MYO16: variants seen among roughly 807,000 people sequenced by gnomAD.
The protein encoded by MYO16 is myosin XVI.
Under a neutral mutation model 205.3 loss-of-function variants are expected in MYO16, and 94 were observed. That is an observed-to-expected ratio of 0.46 (90% CI 0.39 to 0.54). MYO16 has a LOEUF of 0.54. MYO16 is among the 20% of genes least tolerant of loss of function. MYO16 has a pLI of 0.00. For missense variants in MYO16, 2,315 were observed against 2,387.5 expected, an observed-to-expected ratio of 0.97 and a Z score of 0.63; for synonymous variants, 988 against 954.0, an observed-to-expected ratio of 1.04 and a Z score of -0.66.
At chr13:109,154,754 G>A (rs1207040748) in intron 32 of MYO16, among the ~76,000 whole-genome samples, 1 of 151,902 alleles carries the variant, frequency 6.6e-6, no homozygotes, top group African/African-American at 2.4e-5. Context: ...ACACATCGTG[G>A]CTCAGGACTC....
intron 2 of MYO16, among the ~76,000 whole-genome samples, chr13:108,693,978 G>C (rs1302075386): frequency 6.6e-6 from 1 of 152,128 alleles, no homozygotes; most frequent in Non-Finnish European, 1.5e-5. Flanking sequence ...TTCTGTTCCT[G>C]TGTTAGTTTG....
At chr13:109,020,787 C>T (rs1218455494) in intron 23 of MYO16, among the ~76,000 whole-genome samples, 1 of 152,172 alleles carries the variant, frequency 6.6e-6, no homozygotes, top group Non-Finnish European at 1.5e-5. Flanking sequence ...TAAAATCTCT[C>T]ACCGCTGTCT....
intron 3 of MYO16, among the ~76,000 whole-genome samples, chr13:108,717,413 G>A (rs1172863508): frequency 3.9e-5 from 6 of 152,084 alleles, no homozygotes; most frequent in Non-Finnish European, 5.9e-5. Context: ...GGGCAGACAC[G>A]AGGTCAGGAG....
chr13:108,807,843 A>T (rs1346161746), intron 7 of MYO16, among the ~76,000 whole-genome samples: 1 of 152,152 alleles, frequency 6.6e-6, no homozygotes, highest in East Asian at 1.9e-4. Context: ...TAATTTCTTA[A>T]AGTCTTGTTA....
the MYO16 span, among the ~76,000 whole-genome samples, chr13:108,507,538 C>T: frequency 6.6e-6 from 1 of 152,070 alleles, no homozygotes; most frequent in Admixed American, 6.6e-5. Flanking sequence ...TTTCTTTCTG[C>T]TTTCAAGATT....
chr13:109,049,266 A>G (rs1887157662), intron 24 of MYO16, among the ~76,000 whole-genome samples: 1 of 152,158 alleles, frequency 6.6e-6, no homozygotes, highest in South Asian at 2.1e-4. Context: ...TTGTAATCCC[A>G]GTGAGAGAAA....
chr13:109,057,252 G>A (rs1477540932), intron 27 of MYO16, among the ~76,000 whole-genome samples: 8 of 152,138 alleles, frequency 5.3e-5, no homozygotes, highest in African/African-American at 2.4e-5. Context: ...CAACATATGA[G>A]TTCAGCTTGA....
intron 17 of MYO16, among the ~76,000 whole-genome samples, chr13:108,959,745 A>G (rs1479599329): frequency 6.6e-6 from 1 of 152,158 alleles, no homozygotes; most frequent in African/African-American, 2.4e-5. Flanking sequence ...GGCGGCAGGG[A>G]TGGCTGCTCA....
At chr13:108,954,085 C>T (rs1247417046) in intron 16 of MYO16, among the ~76,000 whole-genome samples, 1 of 152,194 alleles carries the variant, frequency 6.6e-6, no homozygotes, top group African/African-American at 2.4e-5. Flanking sequence ...AATAAACATG[C>T]CGCTGTATTC....
chr13:108,840,640 T>A (rs925530587), intron 9 of MYO16, among the ~76,000 whole-genome samples: 1 of 152,140 alleles, frequency 6.6e-6, no homozygotes, highest in Non-Finnish European at 1.5e-5. Context: ...TAGGCCCAAG[T>A]GATCCTCCCA....
At chr13:108,924,912 A>ATG (rs1362204553) in intron 16 of MYO16, among the ~76,000 whole-genome samples, 2 of 152,172 alleles carry the variant, frequency 1.3e-5, no homozygotes, top group Non-Finnish European at 2.9e-5. Context: ...GTTGCTCTGA[A>ATG]TGTGTCATCT....
chr13:108,752,432 G>T (rs1191260760), intron 4 of MYO16, among the ~76,000 whole-genome samples: 1 of 152,146 alleles, frequency 6.6e-6, no homozygotes, highest in Non-Finnish European at 1.5e-5. Context: ...TTAATTTCAT[G>T]AAGCAGCTAT....
chr13:109,095,575 G>A (rs909786872), intron 27 of MYO16, among the ~76,000 whole-genome samples: 3 of 151,958 alleles, frequency 2.0e-5, no homozygotes, highest in African/African-American at 4.8e-5. Context: ...ACCATTTTAA[G>A]TGTCAAAAAA....
chr13:109,062,590 C>T (rs1887625804), intron 27 of MYO16, among the ~76,000 whole-genome samples: 1 of 151,874 alleles, frequency 6.6e-6, no homozygotes, highest in Non-Finnish European at 1.5e-5. Context: ...GAAATCTGCC[C>T]CTATCTCTCT....
chr13:108,641,851 A>G (rs1465811978), intron 1 of MYO16, among the ~76,000 whole-genome samples: 1 of 152,174 alleles, frequency 6.6e-6, no homozygotes, highest in Non-Finnish European at 1.5e-5. Flanking sequence ...AATCAGTTCA[A>G]GTGAAATTCA....
intron 2 of MYO16, among the ~76,000 whole-genome samples, chr13:108,668,810 C>T (rs1881855360): frequency 6.6e-6 from 1 of 152,172 alleles, no homozygotes; most frequent in Non-Finnish European, 1.5e-5. Context: ...TCACTAGTAA[C>T]CATGCATCCC....
At chr13:108,535,047 TTCC>T in the MYO16 span, among the ~76,000 whole-genome samples, 4 of 150,636 alleles carry the variant, frequency 2.7e-5, no homozygotes, top group African/African-American at 9.8e-5. Flanking sequence ...CCTCTTCTTC[TTCC>T]TCCTCTTGTT....
At chr13:109,173,980 T>G (rs7997299) in intron 33 of MYO16, among the ~76,000 whole-genome samples, 42,861 of 140,318 alleles carry the variant, frequency 0.31, 6,919 homozygotes, top group South Asian at 0.38. Context: ...TTTGGAAAAG[T>G]GTACCTGATT....
intron 9 of MYO16, among the ~76,000 whole-genome samples, chr13:108,842,975 G>T (rs1311463507): frequency 6.6e-6 from 1 of 152,076 alleles, no homozygotes; most frequent in African/African-American, 2.4e-5. Flanking sequence ...AAGACATTAG[G>T]CCAAGTGAAG....
Sources: allele counts gnomAD v4.1 joint callset (sites outside exome capture counted in the v4.1 genomes callset), GRCh38; gene constraint gnomAD v4.1.1; transcripts MANE v1.5; gene names NCBI Gene and HGNC (gene_info 2026-07-23, HGNC 2026-07-21).